SPOCK1: variants seen among roughly 807,000 people sequenced by gnomAD.
SPOCK1 encodes the protein testican-1.
SPOCK1 carries 23 observed loss-of-function variants against 55.3 expected under a neutral mutation model. The ratio of observed to expected loss-of-function variants is 0.42; its 90% confidence interval spans 0.30 to 0.59. The LOEUF (loss-of-function observed/expected upper bound fraction) is 0.59, where lower values mean the gene tolerates loss of function less well. Among genes scored for constraint, SPOCK1 ranks in the 20% least tolerant of loss-of-function variants. The probability of loss-of-function intolerance (pLI) is 0.22; values close to 1 mark genes in which losing one functional copy is unlikely to be tolerated. For missense variants in SPOCK1, 499 were observed against 552.5 expected (o/e 0.90, Z 0.97); for synonymous variants, 226 against 221.0 (o/e 1.02, Z -0.20).
intron 3 of SPOCK1, among the ~76,000 whole-genome samples, chr5:137,224,371 A>C (rs1262605801): frequency 6.6e-6 from 1 of 152,218 alleles, no homozygotes; most frequent in Non-Finnish European, 1.5e-5. Flanking sequence ...TTGTGACTTA[A>C]TTTACATTTA....
At chr5:137,154,360 C>T (rs1207525582) in intron 3 of SPOCK1, among the ~76,000 whole-genome samples, 2 of 152,144 alleles carry the variant, frequency 1.3e-5, no homozygotes, top group Non-Finnish European at 2.9e-5. Flanking sequence ...GAAGACCTCT[C>T]TAAGGAGGTG....
intron 5 of SPOCK1, among the ~76,000 whole-genome samples, chr5:137,076,898 G>T (rs1249518699): frequency 6.6e-6 from 1 of 152,148 alleles, no homozygotes; most frequent in African/African-American, 2.4e-5. Flanking sequence ...AACTGCCTCG[G>T]GGACACAAGG....
At chr5:137,311,310 G>T (rs1349514763) in intron 2 of SPOCK1, among the ~76,000 whole-genome samples, 1 of 152,174 alleles carries the variant, frequency 6.6e-6, no homozygotes, top group Admixed American at 6.5e-5. Context: ...CTTGTTGAGG[G>T]GTGGGAAGGA....
At chr5:137,149,163 T>C (rs1754264769) in intron 3 of SPOCK1, among the ~76,000 whole-genome samples, 1 of 152,216 alleles carries the variant, frequency 6.6e-6, no homozygotes, top group Non-Finnish European at 1.5e-5. Context: ...CCAGGTGAAC[T>C]GACTGTGGTT....
chr5:137,458,276 G>T (rs1250222794), intron 2 of SPOCK1, among the ~76,000 whole-genome samples: 3 of 152,090 alleles, frequency 2.0e-5, no homozygotes, highest in Non-Finnish European at 4.4e-5. Flanking sequence ...TTCCAAACCT[G>T]GGTCCATAAT....
At chr5:137,353,817 T>C (rs1365363921) in intron 2 of SPOCK1, among the ~76,000 whole-genome samples, 2 of 152,082 alleles carry the variant, frequency 1.3e-5, no homozygotes, top group African/African-American at 2.4e-5. Context: ...CAATTTTCTG[T>C]CCCCAGTCTC....
At chr5:137,486,856 T>G (rs1258350979) in intron 2 of SPOCK1, among the ~76,000 whole-genome samples, 1 of 152,234 alleles carries the variant, frequency 6.6e-6, no homozygotes, top group Non-Finnish European at 1.5e-5. Flanking sequence ...GCAGGCCTCA[T>G]TCCAGGTGGC....
intron 5 of SPOCK1, among the ~76,000 whole-genome samples, chr5:137,083,318 C>T (rs552628704): frequency 6.6e-6 from 1 of 152,292 alleles, no homozygotes; most frequent in African/African-American, 2.4e-5. Context: ...CTCCCCAGAG[C>T]AGCAGAGTGG....
chr5:137,051,470 A>G (rs1752207291), intron 6 of SPOCK1, among the ~76,000 whole-genome samples: 1 of 152,254 alleles, frequency 6.6e-6, no homozygotes, highest in East Asian at 1.9e-4. Context: ...AGAACAAAAT[A>G]GAAACATAGG....
At chr5:137,096,523 G>T (rs574015761) in intron 5 of SPOCK1, among the ~76,000 whole-genome samples, 3 of 152,068 alleles carry the variant, frequency 2.0e-5, no homozygotes, top group African/African-American at 7.2e-5. Flanking sequence ...GGAAAGAAAC[G>T]GTCCACTCAA....
intron 6 of SPOCK1, among the ~76,000 whole-genome samples, chr5:137,023,216 T>G (rs957490858): frequency 1.3e-5 from 2 of 152,236 alleles, no homozygotes; most frequent in African/African-American, 4.8e-5. Flanking sequence ...TGAATTAACA[T>G]ATATAGTTCT....
At chr5:137,266,939 A>G in intron 3 of SPOCK1, 71 bp downstream of exon 3, 1 of 1,363,322 alleles carries the variant, frequency 7.3e-7, no homozygotes, top group Middle Eastern at 1.8e-4. Context: ...ACATTAACTC[A>G]GCATGCAAGG....
intron 2 of SPOCK1, among the ~76,000 whole-genome samples, chr5:137,377,959 T>TTTG (rs1751360580): frequency 6.7e-6 from 1 of 150,200 alleles, no homozygotes; most frequent in African/African-American, 2.5e-5. Flanking sequence ...TTTTTTTTTT[T>TTTG]TTTTTGAGAC....
In SPOCK1 at chr5:137,213,930, C is replaced by T. The variant is rs1373972731; in HGVS notation, c.232+53080G>A. On this transcript the variant is annotated intron_variant, in intron 3 of 10. Transcript: ENST00000394945. ...TCAACAGAAGTACTGCCAACAACAA[C>T]AACAAAACCAATGTGCATCTGTTCG... is the stretch of plus-strand genomic sequence containing the variant. Among the ~76,000 whole-genome samples, 8 of 152,312 alleles carry T rather than the reference C, an allele frequency of 5.3e-5. No individual in the cohort carries two copies. The East Asian group carries it at 1.4e-3, about 26-fold the overall frequency.
In SPOCK1 at chr5:137,342,501, G is replaced by A. The variant is rs561417903; in HGVS notation, c.187-75446C>T. 7.1e-4 allele frequency among the ~76,000 whole-genome samples: 108 copies of A among 152,274 alleles called. 1 individual carries two copies. Among genetic ancestry groups the A allele is most frequent in the African/African-American group, 2.6e-3 (106 of 41,546 alleles). Reference sequence around the variant, plus strand: ...GGTGGTAAGACTTGTTGTCTCAAGAGGAATTTCCATGACCTCTTTCCTACC... The same window carrying A: ...GGTGGTAAGACTTGTTGTCTCAAGAAGAATTTCCATGACCTCTTTCCTACC... On this transcript the variant is annotated intron_variant, in intron 2 of 10. Transcript: ENST00000394945.
At chr5:137,438,900 A>C (rs1014316571) in intron 2 of SPOCK1, among the ~76,000 whole-genome samples, 13 of 152,070 alleles carry the variant, frequency 8.5e-5, no homozygotes, top group African/African-American at 3.1e-4. Context: ...AAAGTAAGTA[A>C]AGTTTTCAGA....
chr5:137,114,046 A>G (rs1286886899), intron 4 of SPOCK1, among the ~76,000 whole-genome samples: 1 of 152,182 alleles, frequency 6.6e-6, no homozygotes, highest in Non-Finnish European at 1.5e-5. Context: ...TGGTAGGAGG[A>G]AAAAGGTCTG....
chr5:137,308,858 G>A (rs1026728550), intron 2 of SPOCK1, among the ~76,000 whole-genome samples: 2 of 152,154 alleles, frequency 1.3e-5, no homozygotes, highest in Non-Finnish European at 2.9e-5. Flanking sequence ...GTATAAAGAT[G>A]ACTGAGGGTT....
At chr5:137,382,847 T>G (rs1751504282) in intron 2 of SPOCK1, among the ~76,000 whole-genome samples, 1 of 152,220 alleles carries the variant, frequency 6.6e-6, no homozygotes, top group South Asian at 2.1e-4. Flanking sequence ...CTTAAACATA[T>G]TCACCTTAAA....
Sources: gnomAD v4.1 joint callset for allele counts (sites outside exome capture counted in the v4.1 genomes callset) on GRCh38, gnomAD v4.1.1 for gene constraint, MANE v1.5 for transcripts, NCBI Gene and HGNC (gene_info 2026-07-23, HGNC 2026-07-21) for gene names.